Variants in NAP1L1 observed in about 807,000 individuals in gnomAD.
NAP1L1 encodes the protein nucleosome assembly protein 1 like 1.
A neutral mutation model predicts 58.9 loss-of-function variants in NAP1L1; 9 were observed. That is an observed-to-expected ratio of 0.15 (90% CI 0.09 to 0.27). NAP1L1 has a LOEUF of 0.27. NAP1L1 is among the 10% of genes least tolerant of loss of function. NAP1L1 has a pLI of 1.00. For missense variants in NAP1L1, 302 were observed against 458.8 expected, an observed-to-expected ratio of 0.66 and a Z score of 3.12; for synonymous variants, 130 against 138.3, an observed-to-expected ratio of 0.94 and a Z score of 0.42.
Position 76,074,283 on chromosome 12 carries a change from A to G in NAP1L1, c.-20-44T>C, listed in dbSNP as rs987308642. The G allele has an allele frequency of 2.6e-6, 4 of 1,517,622 alleles. No homozygotes were observed. The African/African-American group carries it at 5.8e-5, about 22-fold the overall frequency. 94.0% of individuals were successfully genotyped at this position (1,517,622 alleles called of 1,614,324 possible). A position where few individuals can be genotyped will look rare whatever the true frequency, so the allele number is the denominator to read the frequency against. On this transcript the variant is annotated intron_variant, in intron 1 of 14. Coordinates refer to ENST00000618691, the MANE Select transcript of NAP1L1 (RefSeq NM_004537.7). ...ATGTTAAAAAAAAAGTATATGATTT[A>G]TTAAAAAAAAATAAGAAACCAAAAC...
chr12:76,059,659 TAATA>T, intron 6 of NAP1L1, 135 bp downstream of exon 6: 1 of 632,168 alleles, frequency 1.6e-6, no homozygotes. Context: ...GAAAAACGTG[TAATA>T]AAGACGTAAA....
intron 1 of NAP1L1, among the ~76,000 whole-genome samples, chr12:76,082,470 CA>C (rs1950445009): frequency 6.6e-6 from 1 of 152,180 alleles, no homozygotes; most frequent in Admixed American, 6.5e-5. Context: ...CACTTTGTAG[CA>C]GATAAAATTT....
At chr12:76,053,710 C>T (rs1329143272) in intron 9 of NAP1L1, 60 bp downstream of exon 9, 1 of 1,559,408 alleles carries the variant, frequency 6.4e-7, no homozygotes, top group Non-Finnish European at 8.7e-7. Context: ...ACCGAGTATA[C>T]AAATCAAGTA....
At chr12:76,060,859 G>A (rs765558830) in intron 4 of NAP1L1, among the ~76,000 whole-genome samples, 51 of 152,186 alleles carry the variant, frequency 3.4e-4, no homozygotes, top group Admixed American at 2.5e-3. Context: ...TTGGGAAGCC[G>A]AGGCAGGTGG....
rs1565706778 is a variant in NAP1L1 at position 76,043,856 on chromosome 12, G to GC, written c.*4572dup. On this transcript the variant is annotated 3_prime_UTR_variant, in exon 15 of 15. Coordinates refer to ENST00000618691, the MANE Select transcript of NAP1L1 (RefSeq NM_004537.7). ...CAACCTCATGAAATTTACCAGAGCC[G>GC]CAATTGCCTAATACATTATGAATGA... The GC allele has an allele frequency of 6.6e-6, 1 of 152,128 alleles. No homozygotes were observed. The highest frequency in any genetic ancestry group is 2.4e-5 in the African/African-American group (1 of 41,430). 9.4% of individuals were successfully genotyped at this position (152,128 alleles called of 1,614,324 possible).
chr12:76,049,537 C>A (rs1332778178), intron 13 of NAP1L1: 1 of 1,534,568 alleles, frequency 6.5e-7, no homozygotes. Context: ...TGCAGCAGAA[C>A]AAAATTATTT....
At chr12:76,053,976 C>G in intron 8 of NAP1L1, 67 bp from the exon 9 acceptor site, 2 of 1,450,872 alleles carry the variant, frequency 1.4e-6, no homozygotes, top group Non-Finnish European at 1.9e-6. Flanking sequence ...TTAGTAAACA[C>G]AGCTTCATCT....
At chr12:76,069,188 G>C (rs1412149688) in intron 2 of NAP1L1, among the ~76,000 whole-genome samples, 194 bp from the exon 3 acceptor site, 1 of 152,178 alleles carries the variant, frequency 6.6e-6, no homozygotes, top group Non-Finnish European at 1.5e-5. Flanking sequence ...TTCATTAAAA[G>C]CATCTGGTCA....
intron 1 of NAP1L1, among the ~76,000 whole-genome samples, chr12:76,078,218 G>C (rs946411319): frequency 6.6e-6 from 1 of 151,848 alleles, no homozygotes; most frequent in African/African-American, 2.4e-5. Flanking sequence ...GCCTGTCCAC[G>C]GTGGCTATCT....
At chr12:76,067,302 G>A (rs887052118) in intron 4 of NAP1L1, 69 bp downstream of exon 4, 79 of 1,147,394 alleles carry the variant, frequency 6.9e-5, no homozygotes, top group Non-Finnish European at 9.8e-5. Context: ...ATCCTAGATG[G>A]TCTTAAAAAT....
chr12:76,053,367 GA>G lies in NAP1L1; in HGVS notation c.771-18del, dbSNP rs771041317. The G allele has an allele frequency of 4.4e-6, 7 of 1,601,274 alleles. No individual in the cohort carries two copies. In the African/African-American group the frequency reaches 9.4e-5, roughly 22 times the overall value. On this transcript the variant is annotated intron_variant, in intron 9 of 14. Transcript: ENST00000618691. ...ATCTGGCACCTTGCAAAACAAAGAA[GA>G]AAAATCTATTACAATTGACAATCTT...
chr12:76,060,370 G>GA, intron 4 of NAP1L1, 91 bp from the exon 5 acceptor site: 1 of 1,310,054 alleles, frequency 7.6e-7, no homozygotes, highest in Admixed American at 2.2e-5. Flanking sequence ...TGGAGTTAGT[G>GA]AATGACAGGT....
chr12:76,076,508 C>CTT (rs1423489980), intron 1 of NAP1L1, among the ~76,000 whole-genome samples: 1 of 142,128 alleles, frequency 7.0e-6, no homozygotes, highest in Non-Finnish European at 1.5e-5. Context: ...AACACTAAAG[C>CTT]AAGGTATAGG....
intron 2 of NAP1L1, among the ~76,000 whole-genome samples, chr12:76,071,839 C>G (rs571491147): frequency 6.6e-6 from 1 of 151,844 alleles, no homozygotes; most frequent in South Asian, 2.1e-4. Context: ...TCAACAGTAT[C>G]AAAGATATAG....
intron 4 of NAP1L1, among the ~76,000 whole-genome samples, chr12:76,065,945 A>G (rs747949676): frequency 6.6e-6 from 1 of 151,850 alleles, no homozygotes; most frequent in Non-Finnish European, 1.5e-5. Context: ...CCAATAAAAC[A>G]TAAGAGTGCT....
At chr12:76,066,233 G>C (rs963926301) in intron 4 of NAP1L1, among the ~76,000 whole-genome samples, 4 of 151,720 alleles carry the variant, frequency 2.6e-5, no homozygotes, top group Non-Finnish European at 4.4e-5. Flanking sequence ...GACTCTAAAG[G>C]GATTTAAGAC....
rs1948619592 is a variant in NAP1L1 at position 76,046,893 on chromosome 12, A to AATACTATAGTGAG, written c.*1535_*1536insCTCACTATAGTAT. ...TAGTCTTATTTCCACTTTAAGTCTC[A>AATACTATAGTGAG]TGACTACAATACTATAGTGCTATCC... On this transcript the variant is annotated 3_prime_UTR_variant, in exon 15 of 15. Transcript: ENST00000618691. The AATACTATAGTGAG allele has an allele frequency of 6.6e-6, 1 of 152,466 alleles. No homozygotes were observed. The highest frequency in any genetic ancestry group is 2.4e-5 in the African/African-American group (1 of 41,436). 9.4% of individuals were successfully genotyped at this position (152,466 alleles called of 1,614,324 possible). A position where few individuals can be genotyped will look rare whatever the true frequency, so the allele number is the denominator to read the frequency against.
Position 76,040,716 on chromosome 12 carries a change from C to T in NAP1L1, c.*7713G>A, listed in dbSNP as rs1948544049. On this transcript the variant is annotated 3_prime_UTR_variant, in exon 15 of 15. Coordinates refer to ENST00000618691, the MANE Select transcript of NAP1L1 (RefSeq NM_004537.7). ...CTTGGACTACAGGCACACACCACTA[C>T]CACCTACAGCTAAGTTTTGTATTTT... 6.6e-6 allele frequency: 1 copy of T among 152,164 alleles called. No homozygotes were observed. The highest frequency in any genetic ancestry group is 1.5e-5 in the Non-Finnish European group (1 of 68,036). 9.4% of individuals were successfully genotyped at this position (152,164 alleles called of 1,614,324 possible). A position where few individuals can be genotyped will look rare whatever the true frequency, so the allele number is the denominator to read the frequency against.
chr12:76,066,782 C>A (rs1052363019), intron 4 of NAP1L1, among the ~76,000 whole-genome samples: 7 of 152,088 alleles, frequency 4.6e-5, no homozygotes, highest in African/African-American at 1.4e-4. Context: ...GGCAATCCCA[C>A]TGCTGAGCAC....
Sources: allele counts gnomAD v4.1 joint callset (sites outside exome capture counted in the v4.1 genomes callset), GRCh38; gene constraint gnomAD v4.1.1; transcripts MANE v1.5; gene names NCBI Gene and HGNC (gene_info 2026-07-23, HGNC 2026-07-21).